The following TSC2 variants were observed in gnomAD, a reference collection of about 807,000 sequenced individuals.
TSC2 encodes TSC complex subunit 2, also known as tuberin.
A neutral mutation model predicts 202.2 loss-of-function variants in TSC2; 29 were observed. The observed-to-expected ratio is 0.14, with a 90% CI of 0.11 to 0.20. The LOEUF is 0.20. Among genes scored for constraint, TSC2 ranks in the 10% least tolerant of loss-of-function variants. The pLI is 1.00. For synonymous variants in TSC2, 1,349 were observed against 1,044.0 expected, an observed-to-expected ratio of 1.29 and a Z score of -5.63; for missense variants, 2,429 against 2,420.0, an observed-to-expected ratio of 1.00 and a Z score of -0.08.
intron 3 of TSC2, 75 bp downstream of exon 3, chr16:2,050,561 C>T (rs1288798651): frequency 2.7e-6 from 3 of 1,100,636 alleles, no homozygotes; most frequent in Admixed American, 1.8e-5. Context: ...TTTTTAGGAA[C>T]ATGGTTGACA....
At position 2,086,439 on chromosome 16, in the gene TSC2, A is replaced by G. The variant is rs2090803044; in HGVS notation, c.4849+60A>G. The G allele has an allele frequency of 1.9e-6, 3 of 1,582,220 alleles. No individual in the cohort carries two copies. In the East Asian group the frequency reaches 7.0e-5, roughly 37 times the overall value. ...AGGCCTCAGGGCACGGCTCCCATCC[A>G]GTCCTGCTACCCCACGCCCTGGGGC... On this transcript the variant is annotated intron_variant, in intron 37 of 41. Transcript: ENST00000219476.
intron 14 of TSC2, 50 bp downstream of exon 14, chr16:2,063,103 G>A (rs2086845605): frequency 1.9e-6 from 3 of 1,545,366 alleles, no homozygotes; most frequent in Non-Finnish European, 2.6e-6. Context: ...TTTCTCCGTG[G>A]GCGGGCTGTC....
intron 26 of TSC2, chr16:2,078,136 A>G (rs1033660189): frequency 1.0e-5 from 3 of 289,416 alleles, no homozygotes; most frequent in South Asian, 9.9e-5. Flanking sequence ...AACAAGGGGC[A>G]TTTGTGGAGG....
rs878925198 is a variant in TSC2 at position 2,071,614 on chromosome 16, C to T, written c.1944C>T (p.Tyr648=). The T allele has an allele frequency of 8.1e-6, 13 of 1,613,272 alleles. No individual in the cohort carries two copies. The highest frequency in any genetic ancestry group is 1.0e-5 in the Non-Finnish European group (12 of 1,180,022). ...TCAGCCCCTACTGCGTCTGCGACTA[C>T]ATGTACGCGGGACCTCGCCCACGGC... ...VRFSPYCVCD[Y]MEPERGSEKK... is the part of the protein sequence containing the mutation. Residue 648 remains tyrosine (Y), a splice_region_variant and synonymous_variant, in exon 18 of 42, where the codon TAC becomes TAT. Transcript: ENST00000219476.
chr16:2,081,086 GC>G (rs1362517257), intron 30 of TSC2: 1 of 238,028 alleles, frequency 4.2e-6, no homozygotes, highest in African/African-American at 2.3e-5. Flanking sequence ...CTGGTCCCTT[GC>G]TAGCCGTAAT....
rs1255147666 is a variant in TSC2, at chr16:2,079,827, C to T, written c.3397+158C>T. Among the ~76,000 whole-genome samples the T allele has an allele frequency of 1.3e-5, 2 of 152,156 alleles. No individual in the cohort carries two copies. Among genetic ancestry groups the T allele is most frequent in the East Asian group, 3.9e-4 (2 of 5,186 alleles). ...TGGGGTGAGCCTTCCACAGCTCACC[C>T]CAGAGCCGTGGAGTGGTGGAGTGTG... On this transcript the variant is annotated intron_variant, in intron 29 of 41. Coordinates refer to ENST00000219476, the MANE Select transcript of TSC2 (RefSeq NM_000548.5). The surrounding 1 kb of genome is among the most constrained non-coding windows in gnomAD (Gnocchi z 4.6).
chr16:2,078,659 A>C, intron 26 of TSC2: 1 of 358,602 alleles, frequency 2.8e-6, no homozygotes, highest in Non-Finnish European at 5.4e-6. Context: ...TGCTTGCCGG[A>C]GGCAGCCTGC....
intron 32 of TSC2, 77 bp downstream of exon 32, chr16:2,082,581 C>A: frequency 6.6e-7 from 1 of 1,516,588 alleles, no homozygotes. Context: ...TCGCCTCATC[C>A]GCCCACCCCC....
Position 2,050,396 on chromosome 16 carries a change from C to G in TSC2, c.139-4C>G, listed in dbSNP as rs747561824. On this transcript the variant is annotated splice_region_variant and splice_polypyrimidine_tract_variant and intron_variant, in intron 2 of 41. Coordinates refer to ENST00000219476, the MANE Select transcript of TSC2 (RefSeq NM_000548.5). The stretch of plus-strand genomic sequence containing the variant: ...CCCCTTTTTCTTCTTTCATCTCTCT[C>G]CAGGAACTGAGCATGGAATGTGGCC... 3 of 1,613,778 alleles carry G rather than the reference C, an allele frequency of 1.9e-6. No individual in the cohort carries two copies. The highest frequency in any genetic ancestry group is 1.7e-5 in the Admixed American group (1 of 59,988).
At chr16:2,048,221 T>C (rs749329928) in intron 1 of TSC2, 156 bp downstream of exon 1, 8 of 1,473,274 alleles carry the variant, frequency 5.4e-6, no homozygotes, top group Admixed American at 2.0e-5. Flanking sequence ...TCATGGCGGG[T>C]GCGAACGGGT....
rs1203344843 is a variant in TSC2, at chr16:2,074,289, G to T, written c.2445G>T (p.Met815Ile). 1 of 1,613,028 alleles carries T rather than the reference G, an allele frequency of 6.2e-7. No homozygotes were observed. The highest frequency in any genetic ancestry group is 1.3e-5 in the African/African-American group (1 of 74,928). ...VVALSICSVE[M>I]PDIIIKALPV... ...CCTTGTCCATCTGCAGCGTGGAGAT[G>T]CCTGACATCATCATCAAGGCGCTGC... Residue 815 changes from methionine (M) to isoleucine (I), a missense_variant, in exon 22 of 42, where the codon ATG becomes ATT. By Grantham distance (10) the Met-to-Ile change is conservative. Transcript: ENST00000219476.
intron 14 of TSC2, 152 bp downstream of exon 14, chr16:2,063,205 C>G (rs544101559): frequency 7.7e-6 from 7 of 914,346 alleles, no homozygotes; most frequent in Non-Finnish European, 1.2e-5. Flanking sequence ...TCTGTTTACC[C>G]CTGTTCATTC....
At chr16:2,074,746 G>A (rs2089024399) in intron 22 of TSC2, 7 of 393,600 alleles carry the variant, frequency 1.8e-5, no homozygotes, top group South Asian at 1.6e-4. Flanking sequence ...GAGCTCAGGT[G>A]CCTGTCCCTT....
Position 2,065,527 on chromosome 16 carries a change from C to G in TSC2, c.1608C>G (p.Ala536=), listed in dbSNP as rs2151206478. 2.5e-6 allele frequency: 4 copies of G among 1,613,690 alleles called. No homozygotes were observed. Among genetic ancestry groups the G allele is most frequent in the Non-Finnish European group, 3.4e-6 (4 of 1,179,960 alleles). The part of the protein sequence containing the change: ...SLLDIIEKVM[A]RSLSPPPELE... ...TGGCCTTCTCTTCAAAGGTGATGGC[C>G]CGCTCCCTCTCCCCACCCCCGGAGC... is the stretch of plus-strand genomic sequence containing the variant. The change falls in exon 16 of 42, where the codon GCC becomes GCG. Residue 536 remains alanine, a synonymous_variant. Coordinates refer to ENST00000219476, the MANE Select transcript of TSC2 (RefSeq NM_000548.5).
intron 1 of TSC2, 100 bp from the exon 2 acceptor site, chr16:2,048,487 G>T: frequency 6.9e-7 from 1 of 1,450,478 alleles, no homozygotes; most frequent in Non-Finnish European, 9.6e-7. Flanking sequence ...GAAAGGTTAT[G>T]CCCACCAGAG....
rs2151433942 is a variant in TSC2 at position 2,079,157 on chromosome 16, C to T, written c.3092C>T (p.Ala1031Val). 6.2e-7 allele frequency: 1 copy of T among 1,613,026 alleles called. No homozygotes were observed. The highest frequency in any genetic ancestry group is 8.5e-7 in the Non-Finnish European group (1 of 1,180,034). ...ELTETCLDMM[A>V]RYVFSNFTAV... ...ACGGAAACCTGTCTGGACATGATGG[C>T]TCGATACGTCTTCTCCAACTTCACG... The change falls in exon 27 of 42, where the codon GCT (alanine) becomes GTT (valine). Residue 1031 changes from alanine to valine, a missense_variant. By Grantham distance (64) the Ala-to-Val change is moderately conservative (BLOSUM62 0). Transcript: ENST00000219476. This position sits in a 1 kb window ranked among gnomAD's most constrained non-coding sequence, Gnocchi z 4.6.
chr16:2,062,638 C>T (rs1434373677), intron 13 of TSC2, 38 bp downstream of exon 13: 5 of 1,566,420 alleles, frequency 3.2e-6, no homozygotes, highest in Admixed American at 3.7e-5. Flanking sequence ...GCACCTGGAG[C>T]CTGGCCCTGT....
At position 2,081,621 on chromosome 16, in the gene TSC2, G is replaced by A; in HGVS notation, c.3637G>A (p.Glu1213Lys). 6.2e-7 allele frequency: 1 copy of A among 1,612,896 alleles called. No individual in the cohort carries two copies. ...TGNTSWLMSL[E>K]NPLSPFSSDI... is the part of the protein sequence containing the mutation. ...GAACACCAGCTGGCTGATGAGCCTG[G>A]AGAACCCGCTCAGCCCTTTCTCCTC... is the stretch of plus-strand genomic sequence containing the variant. Residue 1213 changes from glutamate to lysine, a missense_variant, in exon 31 of 42, where the codon GAG becomes AAG. Glu to Lys is a moderately conservative substitution (Grantham distance 56). Coordinates refer to ENST00000219476, the MANE Select transcript of TSC2 (RefSeq NM_000548.5).
At chr16:2,072,475 C>T (rs1178369850) in intron 20 of TSC2, 112 bp downstream of exon 20, 2 of 1,506,708 alleles carry the variant, frequency 1.3e-6, no homozygotes, top group African/African-American at 2.7e-5. Context: ...GCTCCATTTC[C>T]CTCAAACTCA....
Sources: allele counts gnomAD v4.1 joint callset (sites outside exome capture counted in the v4.1 genomes callset), GRCh38; gene constraint gnomAD v4.1.1; non-coding constraint Gnocchi (gnomAD v3.1); transcripts MANE v1.5; gene names NCBI Gene and HGNC (gene_info 2026-07-23, HGNC 2026-07-21).